The following PIEZO1 variants were observed in gnomAD, a reference collection of about 807,000 sequenced individuals.
PIEZO1 encodes the protein piezo-type mechanosensitive ion channel component 1.
A neutral mutation model predicts 297.2 loss-of-function variants in PIEZO1; 296 were observed. That is an observed-to-expected ratio of 1.00 (90% CI 0.91 to 1.10). PIEZO1 has a LOEUF of 1.10. Ranked by LOEUF, PIEZO1 falls within the 50% of genes least tolerant of loss-of-function variation. PIEZO1 has a pLI of 0.00. For missense variants in PIEZO1, 5,018 were observed against 3,455.5 expected (o/e 1.45, Z -11.34); for synonymous variants, 2,427 against 1,507.5 (o/e 1.61, Z -14.13).
intron 22 of PIEZO1, 50 bp downstream of exon 22, chr16:88,731,656 C>T (rs1459037528): frequency 4.2e-6 from 6 of 1,432,636 alleles, no homozygotes; most frequent in Admixed American, 2.0e-5. Context: ...CCCCCACGGG[C>T]ATCCACAAAG....
Position 88,748,394 on chromosome 16 carries a change from G to A in PIEZO1, c.160+990C>T, listed in dbSNP as rs190912030. On this transcript the variant is annotated intron_variant, in intron 2 of 50. Coordinates refer to ENST00000301015, the MANE Select transcript of PIEZO1 (RefSeq NM_001142864.4). ...GTCACCCAGGCTGCAGGCTTGGCACGTGGCCTCACCGCCCTCTGTTTGGAG... is the reference window on the plus strand; with the variant it reads ...GTCACCCAGGCTGCAGGCTTGGCACATGGCCTCACCGCCCTCTGTTTGGAG... 1.3e-3 allele frequency among the ~76,000 whole-genome samples: 194 copies of A among 152,332 alleles called. 1 individual carries two copies. The highest frequency in any genetic ancestry group is 4.2e-3 in the African/African-American group (174 of 41,572).
rs1408927187 is a variant in PIEZO1 at position 88,723,988 on chromosome 16, C to A, written c.4235-17G>T. ...AGTGGATGACTGTGGGCAGGCAGCA[C>A]TGAGAGCCAGCCTTCCATGCAGGGA... On this transcript the variant is annotated splice_polypyrimidine_tract_variant and intron_variant, in intron 30 of 50. Coordinates refer to ENST00000301015, the MANE Select transcript of PIEZO1 (RefSeq NM_001142864.4). 1 of 1,455,148 alleles carries A rather than the reference C, an allele frequency of 6.9e-7. No individual in the cohort carries two copies. The highest frequency in any genetic ancestry group is 1.4e-5 in the African/African-American group (1 of 71,190). The allele number at this position is 1,455,148 out of a possible 1,614,324, so 90.1% of individuals were successfully genotyped here.
chr16:88,782,851 AG>A (rs1295292035), intron 1 of PIEZO1, among the ~76,000 whole-genome samples: 4 of 152,096 alleles, frequency 2.6e-5, no homozygotes, highest in African/African-American at 9.7e-5. Context: ...GCCAGCAGGC[AG>A]GCAGGCAGGG....
intron 2 of PIEZO1, among the ~76,000 whole-genome samples, chr16:88,747,602 C>T (rs1013039834): frequency 3.3e-5 from 5 of 152,186 alleles, no homozygotes; most frequent in African/African-American, 4.8e-5. Context: ...CCAGATGTCG[C>T]GAGGCCGGAG....
chr16:88,738,348 G>T lies in PIEZO1; in HGVS notation c.727C>A (p.Arg243=). The T allele has an allele frequency of 3.3e-6, 5 of 1,535,872 alleles. No individual in the cohort carries two copies. Among genetic ancestry groups the T allele is most frequent in the Non-Finnish European group, 4.4e-6 (5 of 1,146,840 alleles). ...WWACHFPIST[R]GFSRLCVAVG... ...GCGACGCAGAGTCTGCTGAAGCCCC[G>T]AGTGCTGATGGGAAAGTGGCAGGCC... Residue 243 remains arginine, a synonymous_variant, in exon 7 of 51, where the codon CGG becomes AGG. Coordinates refer to ENST00000301015, the MANE Select transcript of PIEZO1 (RefSeq NM_001142864.4).
intron 2 of PIEZO1, among the ~76,000 whole-genome samples, chr16:88,748,118 G>C (rs1906159924): frequency 6.6e-6 from 1 of 152,104 alleles, no homozygotes; most frequent in African/African-American, 2.4e-5. Context: ...CCCTCTGCTG[G>C]GGAAGGTCTC....
At position 88,738,819 on chromosome 16, in the gene PIEZO1, G is replaced by A. The variant is rs529079119; in HGVS notation, c.466-83C>T. 5.5e-4 allele frequency: 707 copies of A among 1,290,060 alleles called. 4 individuals are homozygous for A. The South Asian group carries it at 5.6e-3, about 10-fold the overall frequency. The allele number at this position is 1,290,060 out of a possible 1,614,324, so 79.9% of individuals were successfully genotyped here. On this transcript the variant is annotated intron_variant, in intron 5 of 50. Transcript: ENST00000301015. ...AGCCCACACCTGCCCAGCCAGGAGCGTGGGAGGCGGCCACATCCACAGCTG... is the reference window on the plus strand; with the variant it reads ...AGCCCACACCTGCCCAGCCAGGAGCATGGGAGGCGGCCACATCCACAGCTG...
At position 88,727,040 on chromosome 16, in the gene PIEZO1, T is replaced by G. The variant is rs1415316976; in HGVS notation, c.3454A>C (p.Arg1152=). 1.3e-6 allele frequency: 2 copies of G among 1,548,770 alleles called. No homozygotes were observed. Among genetic ancestry groups the G allele is most frequent in the Non-Finnish European group, 8.7e-7 (1 of 1,145,674 alleles). The change falls in exon 24 of 51, where the codon AGG becomes CGG. Residue 1152 remains arginine, a splice_region_variant and synonymous_variant. Transcript: ENST00000301015. ...CGTGGAGGGTGACGTGGAACCCACC[T>G]GCAGTGGATAAAGTTGGGCACGGGG... ...PNPVPNFIHC[R]SYLDMLKVAV...
chr16:88,754,897 G>A (rs992914254), intron 1 of PIEZO1, among the ~76,000 whole-genome samples: 13 of 152,234 alleles, frequency 8.5e-5, no homozygotes, highest in East Asian at 5.8e-4. Context: ...GTGAACGAAC[G>A]CCCCGGCGTG....
At chr16:88,743,427 C>T (rs1905829512) in intron 2 of PIEZO1, 1 of 437,750 alleles carries the variant, frequency 2.3e-6, no homozygotes, top group African/African-American at 2.0e-5. Flanking sequence ...CCAGCCACGC[C>T]CGGCCACGAG....
intron 40 of PIEZO1, 34 bp downstream of exon 40, chr16:88,720,582 C>T: frequency 1.3e-6 from 2 of 1,542,314 alleles, no homozygotes; most frequent in Non-Finnish European, 1.7e-6. Context: ...TCCCCACCCC[C>T]ACTCCCCAGC....
rs529306514 is a variant in PIEZO1 at position 88,741,299 on chromosome 16, C to T, written c.465+179G>A. On this transcript the variant is annotated intron_variant, in intron 5 of 50. Transcript: ENST00000301015. ...GAGCCCGAGTAGAAACAGGTCTGAA[C>T]GGATGGAACTGCAGGCTGGGCCCCG... 2.1e-4 allele frequency: 123 copies of T among 593,592 alleles called. No individual in the cohort carries two copies. The South Asian group carries it at 2.2e-3, about 11-fold the overall frequency. 36.8% of individuals were successfully genotyped at this position (593,592 alleles called of 1,614,324 possible).
chr16:88,721,129 T>G, intron 39 of PIEZO1, 37 bp downstream of exon 39: 1 of 1,454,326 alleles, frequency 6.9e-7, no homozygotes, highest in Non-Finnish European at 9.1e-7. Context: ...CTCAGAAAAC[T>G]GGGTAGGCAG....
intron 1 of PIEZO1, among the ~76,000 whole-genome samples, chr16:88,760,441 C>A (rs1176941293): frequency 2.0e-5 from 3 of 152,280 alleles, no homozygotes; most frequent in East Asian, 1.9e-4. Context: ...ACCTCAGAGA[C>A]CTTTGAACCA....
chr16:88,760,261 C>T (rs974468813), intron 1 of PIEZO1, among the ~76,000 whole-genome samples: 1 of 152,310 alleles, frequency 6.6e-6, no homozygotes, highest in East Asian at 1.9e-4. Context: ...GGATCCTGCA[C>T]GGTTCTCTGT....
chr16:88,725,519 C>A lies in PIEZO1; in HGVS notation c.4059G>T (p.Gln1353His). 6.5e-7 allele frequency: 1 copy of A among 1,538,076 alleles called. No individual in the cohort carries two copies. The highest frequency in any genetic ancestry group is 8.8e-7 in the Non-Finnish European group (1 of 1,139,458). ...CCTGCTTGGCACGGATACGCTCCATCCTGTGGTGGGGAAAGGTGGGGTATG... is the reference window on the plus strand; with the variant it reads ...CCTGCTTGGCACGGATACGCTCCATACTGTGGTGGGGAAAGGTGGGGTATG... ...EEKSLAQLKR[Q>H]MERIRAKQEK... The change falls in exon 29 of 51, where the codon CAG (glutamine) becomes CAT (histidine). Residue 1353 changes from glutamine (Q) to histidine (H), a missense_variant and splice_region_variant. By Grantham distance (24) the Gln-to-His change is conservative (BLOSUM62 0). Transcript: ENST00000301015.
chr16:88,748,990 C>T (rs1366113120), intron 2 of PIEZO1, among the ~76,000 whole-genome samples: 3 of 145,140 alleles, frequency 2.1e-5, no homozygotes, highest in South Asian at 2.2e-4. Flanking sequence ...GTAATCCCAG[C>T]ACTTTGGGAG....
At position 88,719,634 on chromosome 16, in the gene PIEZO1, C is replaced by T. The variant is rs1021360150; in HGVS notation, c.6411G>A (p.Met2137Ile). Reference sequence around the variant, plus strand: ...TGTTGGCATAGATGTCCTCCACACACATCCAGCTGGACAGGGACAGCGTGG... The same window carrying T: ...TGTTGGCATAGATGTCCTCCACACATATCCAGCTGGACAGGGACAGCGTGG... ...TDTTLSLSSW[M>I]CVEDIYANIF... The change falls in exon 44 of 51, where the codon ATG becomes ATA. Residue 2137 changes from methionine (M) to isoleucine (I), a missense_variant. Met to Ile is a conservative substitution (Grantham distance 10, BLOSUM62 1). Transcript: ENST00000301015. 7.7e-6 allele frequency: 12 copies of T among 1,553,332 alleles called. No homozygotes were observed. The highest frequency in any genetic ancestry group is 1.0e-5 in the Non-Finnish European group (12 of 1,148,536).
At position 88,716,046 on chromosome 16, in the gene PIEZO1, G is replaced by C. The variant is rs369915226; in HGVS notation, c.7203C>G (p.Leu2401=). 7 of 1,550,104 alleles carry C rather than the reference G, an allele frequency of 4.5e-6. No homozygotes were observed. Among genetic ancestry groups the C allele is most frequent in the Non-Finnish European group, 6.1e-6 (7 of 1,146,916 alleles). The change falls in exon 50 of 51, where the codon CTC becomes CTG. Residue 2401 remains leucine, a synonymous_variant. Transcript: ENST00000301015. ...CCTGCAGCTCGATGACCCACCATTC[G>C]AGGAAGCCGGTGGCCCCCGCACCCT... ...REQGAGATGF[L]EWWVIELQEC...
Sources: gnomAD v4.1 joint callset for allele counts (sites outside exome capture counted in the v4.1 genomes callset) on GRCh38, gnomAD v4.1.1 for gene constraint, MANE v1.5 for transcripts, NCBI Gene and HGNC (gene_info 2026-07-23, HGNC 2026-07-21) for gene names.